TMEM135: variants seen among roughly 807,000 people sequenced by gnomAD.
TMEM135 encodes transmembrane protein 135.
In TMEM135, 30 loss-of-function variants were observed where a neutral mutation model predicts 60.3. The ratio of observed to expected loss-of-function variants is 0.50; its 90% CI spans 0.37 to 0.68. The LOEUF (loss-of-function observed/expected upper bound fraction) is 0.68. TMEM135 is among the 30% of genes least tolerant of loss of function. The pLI is 0.00. For missense variants in TMEM135, 468 were observed against 548.8 expected (o/e 0.85, Z 1.47); for synonymous variants, 190 against 186.7 (o/e 1.02, Z -0.14).
chr11:87,111,666 A>AAAGAAAAAG (rs1555105257), intron 4 of TMEM135, among the ~76,000 whole-genome samples: 1 of 130,954 alleles, frequency 7.6e-6, no homozygotes, highest in African/African-American at 2.9e-5. Flanking sequence ...AAAAAAAAAA[A>AAAGAAAAAG]AAAAAGAAAA....
At chr11:87,237,558 G>C (rs1156675573) in intron 6 of TMEM135, among the ~76,000 whole-genome samples, 1 of 151,814 alleles carries the variant, frequency 6.6e-6, no homozygotes, top group Admixed American at 6.6e-5. Flanking sequence ...AACCATACCA[G>C]AATTTTTAAA....
At chr11:87,165,740 C>A (rs1366869988) in intron 5 of TMEM135, among the ~76,000 whole-genome samples, 3 of 151,044 alleles carry the variant, frequency 2.0e-5, no homozygotes, top group Non-Finnish European at 2.9e-5. Context: ...TAACTAAAAT[C>A]AGAGCAGAAC....
intron 5 of TMEM135, among the ~76,000 whole-genome samples, chr11:87,175,093 G>A (rs1939334428): frequency 6.6e-6 from 1 of 152,058 alleles, no homozygotes; most frequent in African/African-American, 2.4e-5. Context: ...AGTCTGGATG[G>A]TATAGATACT....
intron 6 of TMEM135, among the ~76,000 whole-genome samples, chr11:87,252,349 A>G (rs575837604): frequency 6.6e-6 from 1 of 152,084 alleles, no homozygotes; most frequent in Non-Finnish European, 1.5e-5. Context: ...AAGAAATAAA[A>G]TGGTTTGGAA....
intron 6 of TMEM135, among the ~76,000 whole-genome samples, chr11:87,270,356 C>T (rs2135410091): frequency 6.6e-6 from 1 of 152,048 alleles, no homozygotes; most frequent in East Asian, 1.9e-4. Flanking sequence ...TTAATGAGAT[C>T]CCATTTGTCA....
At chr11:87,249,321 G>A (rs189903372) in intron 6 of TMEM135, among the ~76,000 whole-genome samples, 4 of 152,052 alleles carry the variant, frequency 2.6e-5, no homozygotes, top group African/African-American at 9.7e-5. Context: ...ATTTTGTTAA[G>A]TGCTTTTCCA....
chr11:87,206,440 GT>G (rs1236879809), intron 5 of TMEM135, among the ~76,000 whole-genome samples: 5 of 151,980 alleles, frequency 3.3e-5, no homozygotes, highest in South Asian at 2.1e-4. Flanking sequence ...TTTGAATGTT[GT>G]TTTTTTCCTC....
intron 4 of TMEM135, among the ~76,000 whole-genome samples, chr11:87,117,014 G>A (rs1399900737): frequency 6.6e-6 from 1 of 151,862 alleles, no homozygotes; most frequent in African/African-American, 2.4e-5. Context: ...GTAGAGATGG[G>A]GTTTCACCAT....
chr11:87,226,795 A>G (rs1248528549), intron 5 of TMEM135, among the ~76,000 whole-genome samples: 1 of 152,200 alleles, frequency 6.6e-6, no homozygotes, highest in African/African-American at 2.4e-5. Flanking sequence ...CTGTAATCCC[A>G]GCACTTTTAG....
chr11:87,234,905 G>T (rs1940962575), intron 5 of TMEM135, among the ~76,000 whole-genome samples: 1 of 151,970 alleles, frequency 6.6e-6, no homozygotes, highest in Admixed American at 6.6e-5. Context: ...GCAGACTTTG[G>T]ATATTTAGAG....
chr11:87,200,505 T>C (rs553602344), intron 5 of TMEM135, among the ~76,000 whole-genome samples: 51 of 152,232 alleles, frequency 3.4e-4, no homozygotes, highest in African/African-American at 1.2e-3. Flanking sequence ...CATGTAGAGT[T>C]CCAAATACAG....
At chr11:87,247,082 C>T (rs147576904) in intron 6 of TMEM135, among the ~76,000 whole-genome samples, 4 of 149,940 alleles carry the variant, frequency 2.7e-5, no homozygotes, top group South Asian at 2.2e-4. Context: ...ACAGGACGCT[C>T]AGCTGCAGGT....
chr11:87,266,861 TC>T lies in TMEM135; in HGVS notation c.510-28918del, dbSNP rs566406008. Among the ~76,000 whole-genome samples the T allele has an allele frequency of 4.6e-5, 7 of 152,332 alleles. No homozygotes were observed. The South Asian group carries it at 1.2e-3, about 27-fold the overall frequency. On this transcript the variant is annotated intron_variant, in intron 6 of 14. Coordinates refer to ENST00000305494, the MANE Select transcript of TMEM135 (RefSeq NM_022918.4). ...AGGTTTACCTGGGCTGTATTCAGGATCCCTTTGAGTGTGGTGATTATGTTTT... is the reference window on the plus strand; with the variant it reads ...AGGTTTACCTGGGCTGTATTCAGGATCCTTTGAGTGTGGTGATTATGTTTT...
chr11:87,169,354 C>G (rs1161858455), intron 5 of TMEM135, among the ~76,000 whole-genome samples: 1 of 150,798 alleles, frequency 6.6e-6, no homozygotes, highest in East Asian at 1.9e-4. Flanking sequence ...ATGATGCTAG[C>G]TGGTTATTTT....
intron 5 of TMEM135, among the ~76,000 whole-genome samples, chr11:87,158,967 G>T (rs1458286021): frequency 1.3e-5 from 2 of 152,056 alleles, no homozygotes; most frequent in Non-Finnish European, 2.9e-5. Flanking sequence ...TTCATAGGGT[G>T]GGCAATGAAC....
At chr11:87,040,456 C>T (rs1245068678) in intron 1 of TMEM135, among the ~76,000 whole-genome samples, 3 of 151,924 alleles carry the variant, frequency 2.0e-5, no homozygotes, top group Admixed American at 6.6e-5. Context: ...GTCAGGCGTT[C>T]GAGACCAGCC....
chr11:87,063,339 T>C (rs1949967493), intron 1 of TMEM135, among the ~76,000 whole-genome samples: 1 of 152,200 alleles, frequency 6.6e-6, no homozygotes, highest in Admixed American at 6.5e-5. Context: ...AATCTTTATA[T>C]GCATGTTTGA....
intron 14 of TMEM135, 32 bp from the exon 15 acceptor site, chr11:87,321,169 A>G (rs1173630517): frequency 6.3e-7 from 1 of 1,576,688 alleles, no homozygotes; most frequent in Admixed American, 1.7e-5. Flanking sequence ...AAACTATATT[A>G]ATACTTGTTT....
chr11:87,095,815 A>C (rs1323017585), intron 4 of TMEM135: 1 of 152,834 alleles, frequency 6.5e-6, no homozygotes, highest in Non-Finnish European at 1.5e-5. Context: ...TCTCTACTAA[A>C]AATACAAAAA....
Sources: gnomAD v4.1 joint callset for allele counts (sites outside exome capture counted in the v4.1 genomes callset) on GRCh38, gnomAD v4.1.1 for gene constraint, MANE v1.5 for transcripts, NCBI Gene and HGNC (gene_info 2026-07-23, HGNC 2026-07-21) for gene names.